APCDD1: variants seen among roughly 807,000 people sequenced by gnomAD.
APCDD1 encodes APC down-regulated 1.
In APCDD1, 15 loss-of-function variants were observed where a neutral mutation model predicts 38.1. That is an observed-to-expected ratio of 0.39 (90% confidence interval 0.26 to 0.61). The LOEUF is 0.61. APCDD1 is among the 20% of genes least tolerant of loss of function. The probability of loss-of-function intolerance (pLI) is 0.49; values close to 1 mark genes in which losing one functional copy is unlikely to be tolerated. For synonymous variants in APCDD1, 261 were observed against 279.7 expected (o/e 0.93, Z 0.67); for missense variants, 647 against 696.2 (o/e 0.93, Z 0.79).
intron 1 of APCDD1, among the ~76,000 whole-genome samples, chr18:10,458,642 A>C (rs2030444081): frequency 6.6e-6 from 1 of 152,190 alleles, no homozygotes; most frequent in Admixed American, 6.5e-5. Context: ...TTTTCCCCTT[A>C]AATGAGAAAA....
chr18:10,455,203 A>G (rs1222266252), intron 1 of APCDD1, among the ~76,000 whole-genome samples, 164 bp downstream of exon 1: 1 of 152,012 alleles, frequency 6.6e-6, no homozygotes, highest in East Asian at 1.9e-4. Flanking sequence ...GCCCTGGGAG[A>G]GGGGGCTCTG....
chr18:10,488,741 T>C lies in APCDD1; in HGVS notation c.*703T>C, dbSNP rs2031308544. 6.6e-6 allele frequency: 1 copy of C among 151,454 alleles called. No individual in the cohort carries two copies. Among genetic ancestry groups the C allele is most frequent in the East Asian group, 2.0e-4 (1 of 5,116 alleles). The allele number at this position is 151,454 out of a possible 1,614,324, so 9.4% of individuals were successfully genotyped here. ...GTCTTACCTTGTTGAGAGAGGAGAC[T>C]GGCTTGTTGGCTTCTGGTTGTTGCA... is the stretch of plus-strand genomic sequence containing the variant. On this transcript the variant is annotated 3_prime_UTR_variant, in exon 5 of 5. Coordinates refer to ENST00000355285, the MANE Select transcript of APCDD1 (RefSeq NM_153000.5).
intron 3 of APCDD1, among the ~76,000 whole-genome samples, chr18:10,481,742 T>C (rs923573360): frequency 6.6e-6 from 1 of 150,574 alleles, no homozygotes; most frequent in Non-Finnish European, 1.5e-5. Context: ...GAGCCAGGTT[T>C]CTCCCACTCC....
rs577828342 is a variant in APCDD1 at position 10,456,518 on chromosome 18, T to C, written c.58+1479T>C. On this transcript the variant is annotated intron_variant, in intron 1 of 4. Coordinates refer to ENST00000355285, the MANE Select transcript of APCDD1 (RefSeq NM_153000.5). ...GAAAAAAGATAGTATGGTCAAATGA[T>C]TTTAAAATTTAAAAAATTACTTAAA... 2.0e-5 allele frequency among the ~76,000 whole-genome samples: 3 copies of C among 152,356 alleles called. No individual in the cohort carries two copies. The East Asian group carries it at 5.8e-4, about 29-fold the overall frequency.
At chr18:10,465,943 A>G (rs975738334) in intron 1 of APCDD1, among the ~76,000 whole-genome samples, 1 of 152,192 alleles carries the variant, frequency 6.6e-6, no homozygotes, top group Admixed American at 6.5e-5. Flanking sequence ...ATCCACATCC[A>G]CTACACTCCT....
At chr18:10,462,564 CCCTT>C (rs1388545209) in intron 1 of APCDD1, among the ~76,000 whole-genome samples, 12 of 62,838 alleles carry the variant, frequency 1.9e-4, no homozygotes, top group South Asian at 6.2e-4. Context: ...CTGTGACCCT[CCCTT>C]CCTTCCTTCC....
intron 1 of APCDD1, among the ~76,000 whole-genome samples, chr18:10,465,047 A>G (rs575658269): frequency 6.6e-6 from 1 of 152,364 alleles, no homozygotes; most frequent in South Asian, 2.1e-4. Flanking sequence ...TGATGTTTTT[A>G]TCCCTTCATA....
Position 10,468,656 on chromosome 18 carries a change from A to G in APCDD1, c.242+4A>G. The G allele has an allele frequency of 6.2e-7, 1 of 1,613,346 alleles. No individual in the cohort carries two copies. The highest frequency in any genetic ancestry group is 8.5e-7 in the Non-Finnish European group (1 of 1,180,008). On this transcript the variant is annotated splice_donor_region_variant and intron_variant, in intron 2 of 4. Transcript: ENST00000355285. The stretch of plus-strand genomic sequence containing the variant: ...AGGGCCACTGGGTCTCCACAGGGTA[A>G]GAGGACAGGTGGGGTCTGGGAGAGG...
At chr18:10,468,747 T>TG in intron 2 of APCDD1, 95 bp downstream of exon 2, 3 of 1,298,644 alleles carry the variant, frequency 2.3e-6, no homozygotes, top group Non-Finnish European at 3.3e-6. Context: ...TTTATATCAT[T>TG]TACAATGATT....
At chr18:10,463,464 G>T (rs11875507) in intron 1 of APCDD1, among the ~76,000 whole-genome samples, 1,820 of 152,322 alleles carry the variant, frequency 0.012, 28 homozygotes, top group African/African-American at 0.042. Flanking sequence ...TAGTTGACCA[G>T]AAATCTGAGA....
intron 1 of APCDD1, among the ~76,000 whole-genome samples, chr18:10,465,615 T>C (rs2030689011): frequency 6.6e-6 from 1 of 152,214 alleles, no homozygotes; most frequent in African/African-American, 2.4e-5. Context: ...GGCATTGTTT[T>C]TGTTTTGTTA....
rs139232963 is a variant in APCDD1 at position 10,472,001 on chromosome 18, T to G, written c.714T>G (p.Asp238Glu). The G allele has an allele frequency of 1.5e-5, 24 of 1,613,874 alleles. No individual in the cohort carries two copies. The highest frequency in any genetic ancestry group is 1.9e-5 in the Non-Finnish European group (23 of 1,180,040). ...TCTTCCTTGGTGACATTCACACTGA[T>G]GCCACCCAGAGGATGTTCTACCGGC... ...EELFLGDIHT[D>E]ATQRMFYRPS... Residue 238 changes from aspartate (D) to glutamate (E), a missense_variant, in exon 3 of 5, where the codon GAT becomes GAG. Coordinates refer to ENST00000355285, the MANE Select transcript of APCDD1 (RefSeq NM_153000.5). The surrounding 1 kb of genome is among the most constrained non-coding windows in gnomAD (Gnocchi z 6.6).
rs369290364 is a variant in APCDD1 at position 10,471,411 on chromosome 18, A to G, written c.243-119A>G. ...TTGGTATCTATAAAGGGCTGACAAC[A>G]GAGTCTGGCCCATCGTCAGCACTTT... On this transcript the variant is annotated intron_variant, in intron 2 of 4. Coordinates refer to ENST00000355285, the MANE Select transcript of APCDD1 (RefSeq NM_153000.5). The surrounding 1 kb of genome is among the most constrained non-coding windows in gnomAD (Gnocchi z 5.5). The G allele has an allele frequency of 7.6e-7, 1 of 1,307,812 alleles. No individual in the cohort carries two copies. The allele number at this position is 1,307,812 out of a possible 1,614,324, so 81.0% of individuals were successfully genotyped here.
In APCDD1 at chr18:10,454,678, T is replaced by TG; in HGVS notation, c.-304_-303insG. ...CGGTGGCGGTGGCGGCCACTGCAGC[T>TG]CAGAGCGGCGCACGCGGCGGCCGGG... On this transcript the variant is annotated 5_prime_UTR_variant, in exon 1 of 5. Coordinates refer to ENST00000355285, the MANE Select transcript of APCDD1 (RefSeq NM_153000.5). 1.0e-6 allele frequency: 1 copy of TG among 991,370 alleles called. No homozygotes were observed. Among genetic ancestry groups the TG allele is most frequent in the South Asian group, 4.3e-5 (1 of 23,094 alleles). 61.4% of individuals were successfully genotyped at this position (991,370 alleles called of 1,614,324 possible).
rs2031309906 is a variant in APCDD1 at position 10,488,790 on chromosome 18, C to T, written c.*752C>T. On this transcript the variant is annotated 3_prime_UTR_variant, in exon 5 of 5. Transcript: ENST00000355285. ...CAGGAGGCATGTGGCTTCCTGCCTT[C>T]TCAGTAGACAGGATCATTAGGAAAA... 1 of 152,106 alleles carries T rather than the reference C, an allele frequency of 6.6e-6. No individual in the cohort carries two copies. The highest frequency in any genetic ancestry group is 2.4e-5 in the African/African-American group (1 of 41,370). The allele number at this position is 152,106 out of a possible 1,614,324, so 9.4% of individuals were successfully genotyped here. A position where few individuals can be genotyped will look rare whatever the true frequency, so the allele number is the denominator to read the frequency against.
At chr18:10,484,593 C>T (rs2031209510) in intron 3 of APCDD1, among the ~76,000 whole-genome samples, 1 of 152,206 alleles carries the variant, frequency 6.6e-6, no homozygotes. Flanking sequence ...CCCCCCCTTC[C>T]AGCTCCTGCA....
Position 10,467,863 on chromosome 18 carries a change from G to A in APCDD1, c.59-606G>A, listed in dbSNP as rs2030754128. On this transcript the variant is annotated intron_variant, in intron 1 of 4. Transcript: ENST00000355285. This position sits in a 1 kb window ranked among gnomAD's most constrained non-coding sequence, Gnocchi z 4.8. ...AGAGAACCAGAAGATGCATGGCTTG[G>A]TGTAAGCAGATGGAGCCAAGCCAGC... 6.6e-6 allele frequency among the ~76,000 whole-genome samples: 1 copy of A among 152,182 alleles called. No individual in the cohort carries two copies. Among genetic ancestry groups the A allele is most frequent in the African/African-American group, 2.4e-5 (1 of 41,442 alleles).
At chr18:10,455,270 CG>C (rs2030349500) in intron 1 of APCDD1, among the ~76,000 whole-genome samples, 1 of 152,198 alleles carries the variant, frequency 6.6e-6, no homozygotes. Context: ...CTCTTTGCTG[CG>C]GGACTGTTCT....
chr18:10,466,431 G>T (rs2030716062), intron 1 of APCDD1, among the ~76,000 whole-genome samples: 2 of 149,024 alleles, frequency 1.3e-5, no homozygotes, highest in Admixed American at 1.3e-4. Context: ...AGTGCTCATA[G>T]TTCCCCCCGA....
Sources: allele counts gnomAD v4.1 joint callset (sites outside exome capture counted in the v4.1 genomes callset), GRCh38; gene constraint gnomAD v4.1.1; non-coding constraint Gnocchi (gnomAD v3.1); transcripts MANE v1.5; gene names NCBI Gene and HGNC (gene_info 2026-07-23, HGNC 2026-07-21).